The following CFHR4 variants were observed in gnomAD, a reference collection of about 807,000 sequenced individuals.
The protein encoded by CFHR4 is complement factor H-related protein 4.
Under a neutral mutation model 69.3 loss-of-function variants are expected in CFHR4, and 64 were observed. The ratio of observed to expected loss-of-function variants is 0.92; its 90% CI spans 0.76 to 1.14. CFHR4 has a LOEUF of 1.14. Among genes scored for constraint, CFHR4 ranks in the 50% most tolerant of loss-of-function variants. The pLI is 0.00. For missense variants in CFHR4, 636 were observed against 684.9 expected, an observed-to-expected ratio of 0.93 and a Z score of 0.80; for synonymous variants, 244 against 237.0, an observed-to-expected ratio of 1.03 and a Z score of -0.27.
chr1:196,913,736 G>T (rs1017007902), intron 7 of CFHR4, among the ~76,000 whole-genome samples: 1 of 150,802 alleles, frequency 6.6e-6, no homozygotes, highest in African/African-American at 2.4e-5. Flanking sequence ...ATTATCAAGG[G>T]TACAATTCAA....
intron 2 of CFHR4, among the ~76,000 whole-genome samples, chr1:196,903,715 T>G (rs1002524209): frequency 6.6e-6 from 1 of 151,074 alleles, no homozygotes; most frequent in East Asian, 1.9e-4. Context: ...ACATATGTCA[T>G]GAAGATCACA....
At position 196,888,993 on chromosome 1, in the gene CFHR4, T is replaced by C. The variant is rs979368161; in HGVS notation, c.58+785T>C. On this transcript the variant is annotated intron_variant, in intron 1 of 9. Coordinates refer to ENST00000608469, the MANE Select transcript of CFHR4 (RefSeq NM_001201550.3). ...TTGCATATTAAAGAACTATATTGTATGTAACATTAGCAGTGGAACCACATG... is the reference window on the plus strand; with the variant it reads ...TTGCATATTAAAGAACTATATTGTACGTAACATTAGCAGTGGAACCACATG... Among the ~76,000 whole-genome samples the C allele has an allele frequency of 2.2e-4, 22 of 101,002 alleles. 1 individual carries two copies. The highest frequency in any genetic ancestry group is 2.1e-3 in the Admixed American group (22 of 10,562). 66.3% of individuals were successfully genotyped at this position (101,002 alleles called of 152,430 possible). A position where few individuals can be genotyped will look rare whatever the true frequency, so the allele number is the denominator to read the frequency against.
chr1:196,903,671 A>G (rs1037553809), intron 2 of CFHR4, among the ~76,000 whole-genome samples: 10 of 145,882 alleles, frequency 6.9e-5, no homozygotes, highest in African/African-American at 2.6e-4. Context: ...AAAAAAACAC[A>G]TATATATATA....
chr1:196,914,488 G>T lies in CFHR4; in HGVS notation c.1181-7G>T, dbSNP rs758824770. 6.2e-7 allele frequency: 1 copy of T among 1,602,978 alleles called. No individual in the cohort carries two copies. Among genetic ancestry groups the T allele is most frequent in the Non-Finnish European group, 8.5e-7 (1 of 1,174,992 alleles). ...GAAAAGCAATCCTCAATTTTATTTT[G>T]TTTCAGAATTTTGTGATATGCCTGT... On this transcript the variant is annotated splice_region_variant and splice_polypyrimidine_tract_variant and intron_variant, in intron 7 of 9. Transcript: ENST00000608469.
At position 196,905,129 on chromosome 1, in the gene CFHR4, T is replaced by C. The variant is rs115345438; in HGVS notation, c.278T>C (p.Val93Ala). ...PCLRTCSKSD[V>A]EIENGFISES... is the part of the protein sequence containing the mutation. The stretch of plus-strand genomic sequence containing the variant: ...TTAGGAACATGCTCAAAATCAGATG[T>C]AGAAATTGAAAATGGATTCATTTCT... Residue 93 changes from valine (V) to alanine (A), a missense_variant, in exon 3 of 10, where the codon GTA becomes GCA. Val to Ala is a moderately conservative substitution (Grantham distance 64). Transcript: ENST00000608469. The C allele has an allele frequency of 4.0e-4, 642 of 1,601,886 alleles. 24 individuals carry two copies. In the African/African-American group the frequency reaches 7.2e-3, roughly 18 times the overall value.
At position 196,907,451 on chromosome 1, in the gene CFHR4, AT is replaced by A; in HGVS notation, c.753del (p.Tyr251Ter). The A allele has an allele frequency of 6.2e-7, 1 of 1,612,156 alleles. No homozygotes were observed. The highest frequency in any genetic ancestry group is 1.1e-5 in the South Asian group (1 of 91,034). ...TACTATGAACTTCAGGGTTCTAAAT[AT>A]GTAACATGTAGTAATGGAGACTGGT... ...QSYYELQGSKYVTCSNGDWSE... is the reference protein window; with the variant it reads ...QSYYELQGSKXVTCSNGDWSE... On this transcript the variant is annotated frameshift_variant, in exon 5 of 10. Transcript: ENST00000608469. LOFTEE classifies it high-confidence loss of function.
chr1:196,892,499 G>C (rs1269534743), intron 1 of CFHR4, among the ~76,000 whole-genome samples: 2 of 151,152 alleles, frequency 1.3e-5, no homozygotes, highest in Non-Finnish European at 2.9e-5. Context: ...TTTGAGAGAG[G>C]TAATGAGAAT....
intron 3 of CFHR4, among the ~76,000 whole-genome samples, chr1:196,905,746 A>C (rs1657875649): frequency 6.6e-6 from 1 of 151,504 alleles, no homozygotes; most frequent in East Asian, 1.9e-4. Context: ...AGACTTCAAT[A>C]ATTTGTATCA....
intron 9 of CFHR4, among the ~76,000 whole-genome samples, chr1:196,916,974 G>A (rs1658673891): frequency 6.6e-6 from 1 of 151,488 alleles, no homozygotes; most frequent in Non-Finnish European, 1.5e-5. Flanking sequence ...CAGGCAGCAG[G>A]AAACTTTAGA....
chr1:196,918,567 A>T lies in CFHR4; in HGVS notation c.*161A>T, dbSNP rs1658792600. 4.1e-6 allele frequency: 3 copies of T among 727,046 alleles called. No homozygotes were observed. The African/African-American group carries it at 5.4e-5, about 13-fold the overall frequency. 45.0% of individuals were successfully genotyped at this position (727,046 alleles called of 1,614,324 possible). A position where few individuals can be genotyped will look rare whatever the true frequency, so the allele number is the denominator to read the frequency against. On this transcript the variant is annotated 3_prime_UTR_variant, in exon 10 of 10. Transcript: ENST00000608469. ...TGCAACTTAATATGTTCTCAAAAAT[A>T]TGTTAAAACAAACTAAATTATTGCT...
At chr1:196,905,406 C>T (rs1175391233) in intron 3 of CFHR4, 116 bp downstream of exon 3, 1 of 1,385,840 alleles carries the variant, frequency 7.2e-7, no homozygotes, top group Non-Finnish European at 9.8e-7. Context: ...GATATAAATA[C>T]TTCTAACATC....
In CFHR4 at chr1:196,908,607, ATGAACT is replaced by A. The variant is rs552643241; in HGVS notation, c.799+1114_799+1119del. 2.8e-3 allele frequency among the ~76,000 whole-genome samples: 425 copies of A among 151,636 alleles called. 16 individuals carry two copies. The highest frequency in any genetic ancestry group is 9.9e-3 in the African/African-American group (408 of 41,196). ...CTTAGAATTTTGTCCCACAAATCCT[ATGAACT>A]TGAAGAAACACAATTCAAAAAATAT... On this transcript the variant is annotated intron_variant, in intron 5 of 9. Coordinates refer to ENST00000608469, the MANE Select transcript of CFHR4 (RefSeq NM_001201550.3).
chr1:196,917,939 T>C (rs538890124), intron 9 of CFHR4, among the ~76,000 whole-genome samples: 2 of 151,602 alleles, frequency 1.3e-5, no homozygotes, highest in African/African-American at 4.9e-5. Context: ...CAACATGTTT[T>C]AGGGAAGAAG....
rs186665864 is a variant in CFHR4 at position 196,904,807 on chromosome 1, A to T, written c.257-301A>T. Among the ~76,000 whole-genome samples the T allele has an allele frequency of 2.0e-5, 3 of 151,782 alleles. 1 individual carries two copies. The East Asian group carries it at 5.8e-4, about 29-fold the overall frequency. On this transcript the variant is annotated intron_variant, in intron 2 of 9. Transcript: ENST00000608469. ...AGAAAGGTTCAGGTTATTGCAAAGT[A>T]GCCAGAAACTCTTCCAAATAATTAT...
chr1:196,914,623 T>C lies in CFHR4; in HGVS notation c.1309T>C (p.Ser437Pro). 6.2e-7 allele frequency: 1 copy of C among 1,611,204 alleles called. No homozygotes were observed. The highest frequency in any genetic ancestry group is 1.1e-5 in the South Asian group (1 of 90,660). ...YEISYGNTTG[S>P]IVCGEDGWSH... ...AATCAGTTATGGAAACACCACAGGT[T>C]CCATAGTGTGTGGTGAAGATGGGTG... The change falls in exon 8 of 10, where the codon TCC (serine) becomes CCC (proline). Residue 437 changes from serine to proline, a missense_variant. Ser to Pro is a moderately conservative substitution (Grantham distance 74). Around this residue, in one of 3 missense-constraint regions of CFHR4, gnomAD observed 529 missense variants for 533.2 expected, o/e 0.99. Coordinates refer to ENST00000608469, the MANE Select transcript of CFHR4 (RefSeq NM_001201550.3).
chr1:196,906,984 C>T lies in CFHR4; in HGVS notation c.563C>T (p.Thr188Ile). 1 of 1,612,486 alleles carries T rather than the reference C, an allele frequency of 6.2e-7. No homozygotes were observed. Among genetic ancestry groups the T allele is most frequent in the Non-Finnish European group, 8.5e-7 (1 of 1,179,444 alleles). ...DGYESSYGNTTDSIVCGEDGW... is the reference protein window; with the variant it reads ...DGYESSYGNTIDSIVCGEDGW... ...TATGAAAGCAGTTATGGAAACACCA[C>T]AGATTCCATAGTGTGTGGTGAAGAT... The change falls in exon 4 of 10, where the codon ACA (threonine) becomes ATA (isoleucine). Residue 188 changes from threonine (T) to isoleucine (I), a missense_variant. By Grantham distance (89) the Thr-to-Ile change is moderately conservative (BLOSUM62 -1). Transcript: ENST00000608469.
At position 196,902,403 on chromosome 1, in the gene CFHR4, GTTT is replaced by G. The variant is rs760090260; in HGVS notation, c.59-11_59-9del. 72 of 1,549,714 alleles carry G rather than the reference GTTT, an allele frequency of 4.6e-5. 1 individual carries two copies. The East Asian group carries it at 1.2e-3, about 27-fold the overall frequency. On this transcript the variant is annotated splice_polypyrimidine_tract_variant and intron_variant, in intron 1 of 9. Coordinates refer to ENST00000608469, the MANE Select transcript of CFHR4 (RefSeq NM_001201550.3). Reference sequence around the variant, plus strand: ...AAAAACATTATTTATACTGTTTTTTGTTTTTTATTACAAGAAGTGAAACCTTGT... The same window carrying G: ...AAAAACATTATTTATACTGTTTTTTGTTTATTACAAGAAGTGAAACCTTGT...
At chr1:196,903,755 C>T (rs1657752268) in intron 2 of CFHR4, among the ~76,000 whole-genome samples, 1 of 151,304 alleles carries the variant, frequency 6.6e-6, no homozygotes, top group Non-Finnish European at 1.5e-5. Flanking sequence ...TAAAGTAACA[C>T]TGCTTCAGTA....
Position 196,902,759 on chromosome 1 carries a change from T to C in CFHR4, c.256+144T>C, listed in dbSNP as rs1558242280. 19 of 590,040 alleles carry C rather than the reference T, an allele frequency of 3.2e-5. 1 individual carries two copies. The highest frequency in any genetic ancestry group is 8.0e-5 in the South Asian group (3 of 37,270). 36.6% of individuals were successfully genotyped at this position (590,040 alleles called of 1,614,324 possible). On this transcript the variant is annotated intron_variant, in intron 2 of 9. Coordinates refer to ENST00000608469, the MANE Select transcript of CFHR4 (RefSeq NM_001201550.3). ...GCAAAAAGACCAAAATGGATCTTTTTTGTTATGAGATCTTCGTGAAAATTA... is the reference window on the plus strand; with the variant it reads ...GCAAAAAGACCAAAATGGATCTTTTCTGTTATGAGATCTTCGTGAAAATTA...
Sources: allele counts gnomAD v4.1 joint callset (sites outside exome capture counted in the v4.1 genomes callset), GRCh38; gene constraint gnomAD v4.1.1; regional missense constraint gnomAD v4.1.1; transcripts MANE v1.5; gene names NCBI Gene and HGNC (gene_info 2026-07-23, HGNC 2026-07-21).